The following EGFR variants were observed in gnomAD, a reference collection of about 807,000 sequenced individuals.
The protein encoded by EGFR is epidermal growth factor receptor, also known as avian erythroblastic leukemia viral (v-erb-b) oncogene homolog.
A neutral mutation model predicts 143.0 loss-of-function variants in EGFR; 58 were observed. The observed-to-expected ratio is 0.41, with a 90% CI of 0.33 to 0.50. EGFR has a LOEUF of 0.50. Ranked by LOEUF, EGFR falls within the 20% of genes least tolerant of loss-of-function variation. The pLI is 0.39. For synonymous variants in EGFR, 613 were observed against 594.4 expected, an observed-to-expected ratio of 1.03 and a Z score of -0.45; for missense variants, 1,307 against 1,579.0, an observed-to-expected ratio of 0.83 and a Z score of 2.92.
chr7:55,154,280 C>T lies in EGFR; in HGVS notation c.889+128C>T, dbSNP rs965658996. On this transcript the variant is annotated intron_variant, in intron 7 of 27. Transcript: ENST00000275493. Reference sequence around the variant, plus strand: ...ATGTGTTTGCCTTGCTTGGAGGAGGCGACCCTGTGCCCGTCCAGGCACACA... The same window carrying T: ...ATGTGTTTGCCTTGCTTGGAGGAGGTGACCCTGTGCCCGTCCAGGCACACA... 19 of 1,427,232 alleles carry T rather than the reference C, an allele frequency of 1.3e-5. No homozygotes were observed. In the Admixed American group the frequency reaches 1.5e-4, roughly 11 times the overall value. The allele number at this position is 1,427,232 out of a possible 1,614,324, so 88.4% of individuals were successfully genotyped here.
chr7:55,032,286 G>A (rs1322901385), intron 1 of EGFR, among the ~76,000 whole-genome samples: 1 of 152,184 alleles, frequency 6.6e-6, no homozygotes, highest in East Asian at 1.9e-4. Context: ...ATCATCCTTA[G>A]AGGCAGACAG....
chr7:55,061,128 G>A (rs1322820567), intron 1 of EGFR, among the ~76,000 whole-genome samples: 1 of 152,204 alleles, frequency 6.6e-6, no homozygotes, highest in Non-Finnish European at 1.5e-5. Flanking sequence ...GCCCCAGTGG[G>A]AACTACTTAA....
chr7:55,042,684 C>T (rs181805406), intron 1 of EGFR, among the ~76,000 whole-genome samples: 5 of 152,062 alleles, frequency 3.3e-5, no homozygotes, highest in African/African-American at 1.2e-4. Flanking sequence ...TTTAATTATC[C>T]AACCAGAAGA....
chr7:55,028,109 A>C (rs1410479977), intron 1 of EGFR, among the ~76,000 whole-genome samples: 1 of 150,452 alleles, frequency 6.6e-6, no homozygotes, highest in Non-Finnish European at 1.5e-5. Flanking sequence ...TTTATTTTAT[A>C]AGCAGAAATG....
intron 1 of EGFR, among the ~76,000 whole-genome samples, chr7:55,020,812 C>T (rs970245374): frequency 2.0e-5 from 3 of 151,366 alleles, no homozygotes; most frequent in Admixed American, 6.6e-5. Context: ...GTGCCCAGCG[C>T]GGTCGTTGGG....
intron 1 of EGFR, among the ~76,000 whole-genome samples, chr7:55,066,785 T>C (rs1030716312): frequency 6.6e-6 from 1 of 152,220 alleles, no homozygotes. Context: ...GTCAGCTGCC[T>C]AGCTTCTCCT....
At position 55,202,519 on chromosome 7, in the gene EGFR, G is replaced by A. The variant is rs2128972996; in HGVS notation, c.3165G>A (p.Leu1055=). The A allele has an allele frequency of 1.2e-6, 2 of 1,605,666 alleles. No homozygotes were observed. The highest frequency in any genetic ancestry group is 2.3e-5 in the East Asian group (1 of 44,150). The change falls in exon 27 of 28, where the codon CTG becomes CTA. Residue 1055 remains leucine (L), a splice_region_variant and synonymous_variant. Transcript: ENST00000275493. ...CCTTCCCTCATTTCCTCCTGCAGCT[G>A]CAAAGCTGTCCCATCAAGGAAGACA... The part of the protein sequence containing the change: ...STVACIDRNG[L]QSCPIKEDSF...
At chr7:55,053,012 C>G (rs1205116605) in intron 1 of EGFR, among the ~76,000 whole-genome samples, 4 of 152,092 alleles carry the variant, frequency 2.6e-5, no homozygotes, top group Non-Finnish European at 5.9e-5. Context: ...TTGGGAGACT[C>G]CCTGCTCCCC....
rs771995749 is a variant in EGFR, at chr7:55,174,726, T to C, written c.2189T>C (p.Leu730Pro). The change falls in exon 19 of 28, where the codon CTC becomes CCC. Residue 730 changes from leucine (L) to proline (P), a missense_variant. Transcript: ENST00000275493. ...TTCCTTCTCTCTCTGTCATAGGGAC[T>C]CTGGATCCCAGAAGGTGAGAAAGTT... is the stretch of plus-strand genomic sequence containing the variant. ...SGAFGTVYKGLWIPEGEKVKI... is the reference protein window; with the variant it reads ...SGAFGTVYKGPWIPEGEKVKI... 6.2e-7 allele frequency: 1 copy of C among 1,613,512 alleles called. No individual in the cohort carries two copies. Among genetic ancestry groups the C allele is most frequent in the African/African-American group, 1.3e-5 (1 of 75,040 alleles).
chr7:55,135,363 A>G (rs923712831), intron 1 of EGFR, among the ~76,000 whole-genome samples: 10 of 151,934 alleles, frequency 6.6e-5, no homozygotes, highest in African/African-American at 9.7e-5. Context: ...GCATATTATA[A>G]TGTACATGGA....
Position 55,163,677 on chromosome 7 carries a change from G to A in EGFR, c.1632-56G>A, listed in dbSNP as rs1258803118. ...TTGGAATTTTGAAGAGGTGATTTGT[G>A]TTCCTGCAATAATGTCTCAGGGGTG... On this transcript the variant is annotated intron_variant, in intron 13 of 27. Transcript: ENST00000275493. The A allele has an allele frequency of 2.0e-6, 3 of 1,477,502 alleles. No homozygotes were observed. In the African/African-American group the frequency reaches 4.2e-5, roughly 20 times the overall value. The allele number at this position is 1,477,502 out of a possible 1,614,324, so 91.5% of individuals were successfully genotyped here.
intron 1 of EGFR, among the ~76,000 whole-genome samples, chr7:55,117,678 G>T (rs1029974941): frequency 8.5e-5 from 13 of 152,148 alleles, no homozygotes; most frequent in African/African-American, 3.1e-4. Context: ...TCCCTTCTGC[G>T]CCATAGACCC....
At chr7:55,151,186 A>T in intron 4 of EGFR, 108 bp from the exon 5 acceptor site, 1 of 1,112,068 alleles carries the variant, frequency 9.0e-7, no homozygotes, top group Non-Finnish European at 1.4e-6. Flanking sequence ...GAATAAGTTG[A>T]AAAGATTGTC....
At chr7:55,094,438 G>A (rs547853137) in intron 1 of EGFR, among the ~76,000 whole-genome samples, 9 of 152,348 alleles carry the variant, frequency 5.9e-5, no homozygotes, top group South Asian at 2.1e-4. Context: ...GTCAGGAGAC[G>A]CAGTTGCCCA....
chr7:55,174,153 T>G (rs1437418425), intron 18 of EGFR, 110 bp downstream of exon 18: 1 of 1,464,552 alleles, frequency 6.8e-7, no homozygotes, highest in Non-Finnish European at 9.3e-7. Flanking sequence ...CTTTACTCTT[T>G]GTTTCACTGA....
chr7:55,049,719 T>C (rs2099452803), intron 1 of EGFR, among the ~76,000 whole-genome samples: 1 of 152,182 alleles, frequency 6.6e-6, no homozygotes, highest in South Asian at 2.1e-4. Context: ...GGCTGTGCTC[T>C]TTTATTTATA....
chr7:55,061,758 G>C (rs910050215), intron 1 of EGFR, among the ~76,000 whole-genome samples: 11 of 152,206 alleles, frequency 7.2e-5, no homozygotes, highest in African/African-American at 2.6e-4. Flanking sequence ...TAAAAGATGG[G>C]AAAGGTAGAC....
At chr7:55,197,398 A>C (rs972829670) in intron 22 of EGFR, among the ~76,000 whole-genome samples, 1 of 152,152 alleles carries the variant, frequency 6.6e-6, no homozygotes, top group African/African-American at 2.4e-5. Context: ...TATCAGCTTA[A>C]GGGGTTTTGG....
Position 55,181,538 on chromosome 7 carries a change from T to G in EGFR, c.2469+60T>G, listed in dbSNP as rs878973905. ...AAGGAGCCAGGATCCTCACATGCGG[T>G]CTGCGCTCCTGGGATAGCAAGAGTT... is the stretch of plus-strand genomic sequence containing the variant. On this transcript the variant is annotated intron_variant, in intron 20 of 27. Coordinates refer to ENST00000275493, the MANE Select transcript of EGFR (RefSeq NM_005228.5). 8.0e-5 allele frequency: 128 copies of G among 1,605,716 alleles called. No homozygotes were observed. In the South Asian group the frequency reaches 1.3e-3, roughly 16 times the overall value.
Sources: gnomAD v4.1 joint callset for allele counts (sites outside exome capture counted in the v4.1 genomes callset) on GRCh38, gnomAD v4.1.1 for gene constraint, MANE v1.5 for transcripts, NCBI Gene and HGNC (gene_info 2026-07-23, HGNC 2026-07-21) for gene names.